The following NDUFS4 variants were observed in gnomAD, a reference collection of about 807,000 sequenced individuals.
NDUFS4 encodes NADH dehydrogenase [ubiquinone] iron-sulfur protein 4, mitochondrial.
A neutral mutation model predicts 24.3 loss-of-function variants in NDUFS4; 28 were observed. The observed-to-expected ratio is 1.15, with a 90% CI of 0.85 to 1.58. NDUFS4 has a LOEUF of 1.58. NDUFS4 is among the 40% of genes most tolerant of loss of function. The pLI, the probability that NDUFS4 is intolerant of heterozygous loss-of-function variation, is 0.00. For synonymous variants in NDUFS4, 93 were observed against 69.7 expected, an observed-to-expected ratio of 1.34 and a Z score of -1.67; for missense variants, 223 against 207.9, an observed-to-expected ratio of 1.07 and a Z score of -0.45.
At chr5:53,676,237 A>T (rs1740464661) in intron 4 of NDUFS4, among the ~76,000 whole-genome samples, 1 of 152,168 alleles carries the variant, frequency 6.6e-6, no homozygotes, top group Admixed American at 6.5e-5. Context: ...TCTATGAGAG[A>T]GGACAGACTT....
chr5:53,565,232 C>G (rs1474538674), intron 1 of NDUFS4, among the ~76,000 whole-genome samples: 2 of 152,132 alleles, frequency 1.3e-5, no homozygotes, highest in African/African-American at 4.8e-5. Context: ...ATTCTTATTG[C>G]AAGATTTTAT....
At chr5:53,579,385 AC>A (rs1478171708) in intron 1 of NDUFS4, among the ~76,000 whole-genome samples, 1 of 152,220 alleles carries the variant, frequency 6.6e-6, no homozygotes, top group African/African-American at 2.4e-5. Context: ...CTAGACAATT[AC>A]CAGTACCTTT....
At chr5:53,627,891 T>G (rs528176911) in intron 2 of NDUFS4, among the ~76,000 whole-genome samples, 62 of 152,286 alleles carry the variant, frequency 4.1e-4, no homozygotes, top group Non-Finnish European at 8.2e-4. Flanking sequence ...CTTGCCCGAT[T>G]GCCCTGACCA....
chr5:53,646,781 C>T (rs1344665640), intron 3 of NDUFS4, among the ~76,000 whole-genome samples: 1 of 152,082 alleles, frequency 6.6e-6, no homozygotes, highest in Non-Finnish European at 1.5e-5. Flanking sequence ...AGAGAGACTA[C>T]CCTTAATATA....
At chr5:53,604,908 C>T (rs895187101) in intron 2 of NDUFS4, 1 of 456,028 alleles carries the variant, frequency 2.2e-6, no homozygotes, top group African/African-American at 2.0e-5. Context: ...AATCAAACAC[C>T]ACTTGCTTAG....
chr5:53,637,905 A>G (rs950876894), intron 2 of NDUFS4, among the ~76,000 whole-genome samples: 1 of 152,280 alleles, frequency 6.6e-6, no homozygotes, highest in Admixed American at 6.5e-5. Flanking sequence ...AACTTAGACT[A>G]TTGCTCACTG....
chr5:53,662,371 T>A (rs922759079), intron 4 of NDUFS4, among the ~76,000 whole-genome samples: 10 of 152,206 alleles, frequency 6.6e-5, no homozygotes, highest in Non-Finnish European at 1.2e-4. Context: ...ATAAGCTTTT[T>A]GATGTGCTGC....
intron 4 of NDUFS4, among the ~76,000 whole-genome samples, chr5:53,681,107 G>A (rs1432897233): frequency 6.6e-6 from 1 of 152,096 alleles, no homozygotes; most frequent in Admixed American, 6.6e-5. Flanking sequence ...CTATGAAGTT[G>A]TGAATCAAAT....
chr5:53,614,163 A>G (rs899730610), intron 2 of NDUFS4, among the ~76,000 whole-genome samples: 1 of 151,956 alleles, frequency 6.6e-6, no homozygotes, highest in African/African-American at 2.4e-5. Flanking sequence ...GTTATATTTA[A>G]CTATGATGAT....
chr5:53,570,595 G>T (rs535011575), intron 1 of NDUFS4, among the ~76,000 whole-genome samples: 1 of 151,826 alleles, frequency 6.6e-6, no homozygotes, highest in Non-Finnish European at 1.5e-5. Context: ...GTTTTCCAGA[G>T]TGGTTGTACC....
intron 1 of NDUFS4, among the ~76,000 whole-genome samples, chr5:53,567,508 CTTA>C (rs1431950436): frequency 6.6e-6 from 1 of 151,962 alleles, no homozygotes; most frequent in Non-Finnish European, 1.5e-5. Context: ...TCATAGGTGA[CTTA>C]TTATACTTTT....
At chr5:53,645,433 C>T (rs1456276641) in intron 2 of NDUFS4, among the ~76,000 whole-genome samples, 1 of 152,160 alleles carries the variant, frequency 6.6e-6, no homozygotes, top group Non-Finnish European at 1.5e-5. Flanking sequence ...AATTACTTTA[C>T]TAATTTGTGT....
chr5:53,586,861 T>TCACTGAGGCAGGAGTGCATTGG lies in NDUFS4; in HGVS notation c.99-16587_99-16566dup, dbSNP rs1749774502. Among the ~76,000 whole-genome samples, 3 of 152,240 alleles carry TCACTGAGGCAGGAGTGCATTGG rather than the reference T, an allele frequency of 2.0e-5. No homozygotes were observed. The East Asian group carries it at 5.8e-4, about 29-fold the overall frequency. On this transcript the variant is annotated intron_variant, in intron 1 of 4. Transcript: ENST00000296684. ...TTTTTGAGATGGAGTTGTACTCTTG[T>TCACTGAGGCAGGAGTGCATTGG]CACTGAGGCAGGAGTGCATTGGCAC...
At chr5:53,620,844 C>CT (rs1410249120) in intron 2 of NDUFS4, among the ~76,000 whole-genome samples, 4 of 152,028 alleles carry the variant, frequency 2.6e-5, no homozygotes, top group Admixed American at 6.5e-5. Context: ...TTTCTTGAGA[C>CT]TTTTTTATCG....
At chr5:53,603,883 A>G (rs1410593642) in intron 2 of NDUFS4, among the ~76,000 whole-genome samples, 1 of 152,136 alleles carries the variant, frequency 6.6e-6, no homozygotes, top group African/African-American at 2.4e-5. Context: ...AGTACTATCT[A>G]AAACTAAATA....
At chr5:53,649,479 A>G (rs1487966430) in intron 3 of NDUFS4, among the ~76,000 whole-genome samples, 1 of 152,192 alleles carries the variant, frequency 6.6e-6, no homozygotes, top group Non-Finnish European at 1.5e-5. Flanking sequence ...TTTCTGCATT[A>G]ATTCACTTAG....
intron 4 of NDUFS4, among the ~76,000 whole-genome samples, chr5:53,669,699 G>C (rs1268617180): frequency 6.6e-6 from 1 of 152,102 alleles, no homozygotes; most frequent in African/African-American, 2.4e-5. Flanking sequence ...GATAAATAAG[G>C]CATAGTTCTT....
chr5:53,602,851 A>G (rs365358), intron 1 of NDUFS4, among the ~76,000 whole-genome samples: 31,030 of 152,126 alleles, frequency 0.2, 3,691 homozygotes, highest in East Asian at 0.46. Flanking sequence ...GAGTGAGAGT[A>G]GGAAAATGCT....
intron 4 of NDUFS4, among the ~76,000 whole-genome samples, chr5:53,681,748 GT>G (rs1415892049): frequency 1.3e-5 from 2 of 152,094 alleles, no homozygotes; most frequent in Non-Finnish European, 2.9e-5. Context: ...TGGAGATGGA[GT>G]TCCAGCAGTT....
Sources: allele counts gnomAD v4.1 joint callset (sites outside exome capture counted in the v4.1 genomes callset), GRCh38; gene constraint gnomAD v4.1.1; transcripts MANE v1.5; gene names NCBI Gene and HGNC (gene_info 2026-07-23, HGNC 2026-07-21).